PLAC8: variants seen among roughly 807,000 people sequenced by gnomAD.
PLAC8 encodes the protein placenta associated 8, also known as placenta-specific gene 8 protein.
In PLAC8, 6 loss-of-function variants were observed where a neutral mutation model predicts 12.6. That is an observed-to-expected ratio of 0.48 (90% CI 0.26 to 0.94). PLAC8 has a LOEUF of 0.94. PLAC8 is among the 40% of genes least tolerant of loss of function. The probability of loss-of-function intolerance (pLI) is 0.14; values close to 1 mark genes in which losing one functional copy is unlikely to be tolerated. For missense variants in PLAC8, 122 were observed against 152.7 expected, an observed-to-expected ratio of 0.80 and a Z score of 1.06; for synonymous variants, 54 against 52.6, an observed-to-expected ratio of 1.03 and a Z score of -0.11.
At position 83,094,683 on chromosome 4, in the gene PLAC8, G is replaced by GT; in HGVS notation, c.*3dup. ...GCATGTTTGCATTGACTCACCATCA[G>GT]TTTTTAGAAAGTACGCATGGCTCTC... On this transcript the variant is annotated 3_prime_UTR_variant, in exon 4 of 5. Transcript: ENST00000311507. The GT allele has an allele frequency of 6.4e-7, 1 of 1,570,936 alleles. No individual in the cohort carries two copies. The highest frequency in any genetic ancestry group is 8.7e-7 in the Non-Finnish European group (1 of 1,148,474).
chr4:83,104,956 G>A lies in PLAC8; in HGVS notation c.183C>T (p.Cys61=). 1 of 1,614,084 alleles carries A rather than the reference G, an allele frequency of 6.2e-7. No individual in the cohort carries two copies. Among genetic ancestry groups the A allele is most frequent in the Non-Finnish European group, 8.5e-7 (1 of 1,179,952 alleles). The change falls in exon 3 of 5, where the codon TGC becomes TGT. Residue 61 remains cysteine (C), a synonymous_variant. Transcript: ENST00000311507. ...TTGCGACGCTTGTTCCACACAGACA[G>A]CATTCATTCATATCAGCTGCAACTT... is the stretch of plus-strand genomic sequence containing the variant. ...GCQVAADMNE[C]CLCGTSVAMR...
rs576716145 is a variant in PLAC8 at position 83,090,887 on chromosome 4, T to C, written c.*94A>G. ...CATCAGTTGTACTTAAGCATATCCA[T>C]CATATTTCAGTTGCAAAAGATGGTG... On this transcript the variant is annotated 3_prime_UTR_variant, in exon 5 of 5. Transcript: ENST00000311507. 1.3e-5 allele frequency: 2 copies of C among 152,284 alleles called. No homozygotes were observed. The highest frequency in any genetic ancestry group is 2.1e-4 in the South Asian group (1 of 4,826). The allele number at this position is 152,284 out of a possible 1,614,324, so 9.4% of individuals were successfully genotyped here. A position where few individuals can be genotyped will look rare whatever the true frequency, so the allele number is the denominator to read the frequency against.
At chr4:83,104,580 C>T (rs548061650) in intron 3 of PLAC8, among the ~76,000 whole-genome samples, 30 of 152,306 alleles carry the variant, frequency 2.0e-4, no homozygotes, top group South Asian at 8.3e-4. Flanking sequence ...ACCCACTTTA[C>T]AGAGATGATG....
intron 3 of PLAC8, among the ~76,000 whole-genome samples, chr4:83,098,742 T>C (rs1389832466): frequency 6.6e-6 from 1 of 152,140 alleles, no homozygotes. Flanking sequence ...AAGGTTTTTT[T>C]TTTTTTAATT....
In PLAC8 at chr4:83,107,877, G is replaced by T. The variant is rs1351645741; in HGVS notation, c.45C>A (p.Val15=). 1.6e-5 allele frequency: 25 copies of T among 1,595,840 alleles called. No individual in the cohort carries two copies. The highest frequency in any genetic ancestry group is 1.9e-5 in the Non-Finnish European group (22 of 1,169,664). Residue 15 remains valine (V), a synonymous_variant, in exon 2 of 5, where the codon GTC becomes GTA. Transcript: ENST00000311507. The stretch of plus-strand genomic sequence containing the variant: ...AGTTCTGGGGGGCCGGACCGGGACC[G>T]ACTCCAGGTTGGGTCACAACGACCA... ...APVVVVTQPG[V]GPGPAPQNSN... is the part of the protein sequence containing the mutation.
rs1731789612 is a variant in PLAC8 at position 83,090,741 on chromosome 4, T to C, written c.*240A>G. Reference sequence around the variant, plus strand: ...TATTTCAAATGTAATTTAAAAAGTTTATAAGCCAGGAAATTCGAATTCGAT... The same window carrying C: ...TATTTCAAATGTAATTTAAAAAGTTCATAAGCCAGGAAATTCGAATTCGAT... On this transcript the variant is annotated 3_prime_UTR_variant, in exon 5 of 5. Transcript: ENST00000311507. The C allele has an allele frequency of 1.7e-5, 1 of 58,146 alleles. No individual in the cohort carries two copies. The highest frequency in any genetic ancestry group is 6.2e-5 in the African/African-American group (1 of 16,120). 3.6% of individuals were successfully genotyped at this position (58,146 alleles called of 1,614,324 possible).
chr4:83,096,867 C>T (rs890341169), intron 3 of PLAC8, among the ~76,000 whole-genome samples: 1 of 152,184 alleles, frequency 6.6e-6, no homozygotes, highest in African/African-American at 2.4e-5. Flanking sequence ...CACCATCCAA[C>T]ATCCTCACCC....
chr4:83,112,500 T>G (rs1284254893), intron 1 of PLAC8, among the ~76,000 whole-genome samples: 1 of 152,158 alleles, frequency 6.6e-6, no homozygotes, highest in Non-Finnish European at 1.5e-5. Context: ...TGTAAGTTCC[T>G]TTCTAGCACA....
intron 3 of PLAC8, 77 bp from the exon 4 acceptor site, chr4:83,094,868 A>G: frequency 1.3e-6 from 1 of 741,260 alleles, no homozygotes. Context: ...CTTGAAGAGA[A>G]GCAGAAGGCA....
At chr4:83,109,865 CA>C (rs1265068429) in intron 1 of PLAC8, 1 of 152,318 alleles carries the variant, frequency 6.6e-6, no homozygotes, top group East Asian at 1.9e-4. Flanking sequence ...CTGCTGGGAC[CA>C]GACCTGCCTG....
At chr4:83,099,292 C>A (rs1021466741) in intron 3 of PLAC8, among the ~76,000 whole-genome samples, 5 of 151,396 alleles carry the variant, frequency 3.3e-5, no homozygotes, top group Non-Finnish European at 7.4e-5. Flanking sequence ...TACAATGATG[C>A]AATCTTGGCT....
At chr4:83,109,862 G>A (rs1199173232) in intron 1 of PLAC8, 2 of 152,320 alleles carry the variant, frequency 1.3e-5, no homozygotes, top group Non-Finnish European at 2.9e-5. Context: ...CCTCTGCTGG[G>A]ACCAGACCTG....
chr4:83,101,160 A>G (rs1732090773), intron 3 of PLAC8, among the ~76,000 whole-genome samples: 1 of 152,200 alleles, frequency 6.6e-6, no homozygotes, highest in African/African-American at 2.4e-5. Flanking sequence ...TGGGCAGATC[A>G]CGAGGTCAGG....
At chr4:83,101,987 A>G (rs1486262627) in intron 3 of PLAC8, among the ~76,000 whole-genome samples, 1 of 152,222 alleles carries the variant, frequency 6.6e-6, no homozygotes, top group Non-Finnish European at 1.5e-5. Context: ...TTCACTAACA[A>G]TGTACCTAGA....
chr4:83,105,906 G>A (rs1254320310), intron 2 of PLAC8, among the ~76,000 whole-genome samples: 2 of 152,178 alleles, frequency 1.3e-5, no homozygotes, highest in Non-Finnish European at 2.9e-5. Flanking sequence ...CGTCACCCCA[G>A]ACAATGAGAG....
chr4:83,100,004 C>CAA (rs775470981), intron 3 of PLAC8, among the ~76,000 whole-genome samples: 5 of 103,652 alleles, frequency 4.8e-5, no homozygotes, highest in African/African-American at 7.2e-5. Context: ...GACTCTGTCT[C>CAA]AAAAAAAAAA....
chr4:83,113,208 C>T (rs1732463238), intron 1 of PLAC8, among the ~76,000 whole-genome samples: 1 of 152,200 alleles, frequency 6.6e-6, no homozygotes, highest in African/African-American at 2.4e-5. Flanking sequence ...AAAAACGTGG[C>T]CCTTCTCACA....
At chr4:83,096,055 A>G (rs1224761802) in intron 3 of PLAC8, among the ~76,000 whole-genome samples, 1 of 152,204 alleles carries the variant, frequency 6.6e-6, no homozygotes, top group Non-Finnish European at 1.5e-5. Flanking sequence ...TATAATTTTA[A>G]TCTTGTGGCT....
At chr4:83,102,621 C>A (rs1038690641) in intron 3 of PLAC8, among the ~76,000 whole-genome samples, 9 of 152,182 alleles carry the variant, frequency 5.9e-5, no homozygotes, top group East Asian at 3.8e-4. Flanking sequence ...GAAGTTGATT[C>A]TATCCCTCAT....
Sources: allele counts gnomAD v4.1 joint callset (sites outside exome capture counted in the v4.1 genomes callset), GRCh38; gene constraint gnomAD v4.1.1; transcripts MANE v1.5; gene names NCBI Gene and HGNC (gene_info 2026-07-23, HGNC 2026-07-21).